SLIT2: variants seen among roughly 807,000 people sequenced by gnomAD.
SLIT2 encodes the protein slit homolog 2 protein.
Under a neutral mutation model 185.7 loss-of-function variants are expected in SLIT2, and 41 were observed. The observed-to-expected ratio is 0.22, with a 90% CI of 0.17 to 0.29. The LOEUF (loss-of-function observed/expected upper bound fraction) is 0.29, where lower values mean the gene tolerates loss of function less well. SLIT2 is among the 10% of genes least tolerant of loss of function. SLIT2 has a pLI of 1.00. For synonymous variants in SLIT2, 693 were observed against 680.2 expected (o/e 1.02, Z -0.29); for missense variants, 1,571 against 1,909.0 (o/e 0.82, Z 3.30).
chr4:20,477,054 G>A (rs1325321280), intron 5 of SLIT2, among the ~76,000 whole-genome samples: 1 of 151,304 alleles, frequency 6.6e-6, no homozygotes, highest in Non-Finnish European at 1.5e-5. Flanking sequence ...GGAGCCCATC[G>A]ACACACTGCA....
chr4:20,569,237 C>T lies in SLIT2; in HGVS notation c.3088+233C>T, dbSNP rs138758667. On this transcript the variant is annotated intron_variant, in intron 29 of 36. Transcript: ENST00000504154. ...GCATCTATTATAAAGCCATGCTATC[C>T]AGTAATAAAAGAAGCTATTTTGCTA... 2.6e-3 allele frequency: 1,223 copies of T among 470,188 alleles called. 13 individuals are homozygous for T. Among genetic ancestry groups the T allele is most frequent in the African/African-American group, 0.022 (1,116 of 50,594 alleles). 29.1% of individuals were successfully genotyped at this position (470,188 alleles called of 1,614,324 possible).
chr4:20,368,721 G>A (rs1459488090), intron 4 of SLIT2, among the ~76,000 whole-genome samples: 1 of 152,106 alleles, frequency 6.6e-6, no homozygotes, highest in African/African-American at 2.4e-5. Flanking sequence ...TTTGACAGGT[G>A]CTCTGAAAGC....
Position 20,254,123 on chromosome 4 carries a change from C to T in SLIT2, c.179+129C>T. 5 of 949,102 alleles carry T rather than the reference C, an allele frequency of 5.3e-6. No individual in the cohort carries two copies. Among genetic ancestry groups the T allele is most frequent in the South Asian group, 1.6e-5 (1 of 63,138 alleles). 58.8% of individuals were successfully genotyped at this position (949,102 alleles called of 1,614,324 possible). ...TCGCTAGCTCTCCCCCATGCACATCCTGGGGTTGAGCTCTCCGGGAGGGCA... is the reference window on the plus strand; with the variant it reads ...TCGCTAGCTCTCCCCCATGCACATCTTGGGGTTGAGCTCTCCGGGAGGGCA... On this transcript the variant is annotated intron_variant, in intron 1 of 36. Coordinates refer to ENST00000504154, the MANE Select transcript of SLIT2 (RefSeq NM_004787.4). The surrounding 1 kb of genome is among the most constrained non-coding windows in gnomAD (Gnocchi z 5.1).
intron 34 of SLIT2, among the ~76,000 whole-genome samples, chr4:20,610,451 A>G (rs1171383777): frequency 6.6e-6 from 1 of 152,248 alleles, no homozygotes; most frequent in Non-Finnish European, 1.5e-5. Flanking sequence ...TGATTTATAC[A>G]TTATATAATT....
At chr4:20,308,378 C>A (rs549777450) in intron 4 of SLIT2, among the ~76,000 whole-genome samples, 1 of 152,270 alleles carries the variant, frequency 6.6e-6, no homozygotes, top group East Asian at 1.9e-4. Flanking sequence ...AATCACATGA[C>A]AACAGAGGTT....
At chr4:20,284,844 A>G (rs1399171299) in intron 4 of SLIT2, among the ~76,000 whole-genome samples, 3 of 152,244 alleles carry the variant, frequency 2.0e-5, no homozygotes, top group African/African-American at 2.4e-5. Flanking sequence ...TTACTACAAA[A>G]TTACTACAAA....
chr4:20,390,191 T>A (rs1005108431), intron 4 of SLIT2, among the ~76,000 whole-genome samples: 2 of 152,080 alleles, frequency 1.3e-5, no homozygotes, highest in Admixed American at 6.6e-5. Context: ...GAATACCTTA[T>A]TCTAAAATGT....
rs1261393936 is a variant in SLIT2, at chr4:20,528,371, C to T, written c.1463-578C>T. ...TTCCGTCAAGCACCATGGAACGTCA[C>T]GCAGCTTTCTACAGCATGACAAGCT... On this transcript the variant is annotated intron_variant, in intron 15 of 36. Transcript: ENST00000504154. This position sits in a 1 kb window ranked among gnomAD's most constrained non-coding sequence, Gnocchi z 4.2. The T allele has an allele frequency of 3.7e-6, 2 of 534,124 alleles. No individual in the cohort carries two copies. Among genetic ancestry groups the T allele is most frequent in the South Asian group, 1.4e-5 (1 of 71,464 alleles). 33.1% of individuals were successfully genotyped at this position (534,124 alleles called of 1,614,324 possible).
intron 9 of SLIT2, among the ~76,000 whole-genome samples, chr4:20,494,168 C>T (rs1435273994): frequency 6.6e-6 from 1 of 152,178 alleles, no homozygotes; most frequent in Non-Finnish European, 1.5e-5. Flanking sequence ...CAGAAGGCCT[C>T]TTCGGAGGCT....
chr4:20,472,287 G>GATATATATCT (rs1560452839), intron 5 of SLIT2, among the ~76,000 whole-genome samples: 582 of 14,868 alleles, frequency 0.039, 90 homozygotes, highest in African/African-American at 0.14. Context: ...TATATATATA[G>GATATATATCT]ATATATAGAT....
rs572122994 is a variant in SLIT2 at position 20,459,032 on chromosome 4, G to A, written c.396-8720G>A. On this transcript the variant is annotated intron_variant, in intron 4 of 36. Coordinates refer to ENST00000504154, the MANE Select transcript of SLIT2 (RefSeq NM_004787.4). ...TTTTTATTAACAGCAAGAAGTGCTA[G>A]GATCAAGACATATTAGAGATTATAT... Among the ~76,000 whole-genome samples, 57 of 152,228 alleles carry A rather than the reference G, an allele frequency of 3.7e-4. 1 individual carries two copies. In the South Asian group the frequency reaches 0.011, roughly 30 times the overall value.
intron 32 of SLIT2, among the ~76,000 whole-genome samples, chr4:20,597,567 T>G (rs537694223): frequency 6.6e-6 from 1 of 152,356 alleles, no homozygotes; most frequent in East Asian, 1.9e-4. Context: ...TTGTTTTATC[T>G]GATAAGCAAA....
In SLIT2 at chr4:20,528,949, G is replaced by A. The variant is rs773044305; in HGVS notation, c.1463G>A (p.Gly488Asp). ...CSAKEQYFIP[G>D]TEDYRSKLSG... ...TTTTTTTGGTTTGAATTCTCAATAG[G>A]TACAGAAGATTATCGATCAAAATTA... is the stretch of plus-strand genomic sequence containing the variant. The change falls in exon 16 of 37, where the codon GGT (glycine) becomes GAT (aspartate). Residue 488 changes from glycine to aspartate, a missense_variant and splice_region_variant. Gly to Asp is a moderately conservative substitution (Grantham distance 94). Transcript: ENST00000504154. This position sits in a 1 kb window ranked among gnomAD's most constrained non-coding sequence, Gnocchi z 4.2. The A allele has an allele frequency of 3.1e-6, 5 of 1,612,720 alleles. No homozygotes were observed. The highest frequency in any genetic ancestry group is 4.2e-6 in the Non-Finnish European group (5 of 1,179,128).
intron 22 of SLIT2, among the ~76,000 whole-genome samples, chr4:20,546,605 GTGTT>G (rs1011189705): frequency 2.0e-5 from 3 of 152,114 alleles, no homozygotes; most frequent in African/African-American, 7.2e-5. Context: ...TATTCATGTA[GTGTT>G]TAAGTAAACT....
chr4:20,476,625 T>C (rs1716139274), intron 5 of SLIT2, among the ~76,000 whole-genome samples: 2 of 152,164 alleles, frequency 1.3e-5, no homozygotes, highest in Admixed American at 6.6e-5. Flanking sequence ...AAAAAACCTA[T>C]TAGTTATAAG....
chr4:20,548,507 A>G lies in SLIT2; in HGVS notation c.2365A>G (p.Ile789Val). ...LTLIDLSNNRISTLSNQSFSN... is the reference protein window; with the variant it reads ...LTLIDLSNNRVSTLSNQSFSN... ...TTTTAGAGACTTAAGTAACAACAGA[A>G]TAAGCACGCTTTCTAATCAGAGCTT... is the stretch of plus-strand genomic sequence containing the variant. Residue 789 changes from isoleucine to valine, a missense_variant, in exon 23 of 37, where the codon ATA becomes GTA. This residue lies in a region of SLIT2 where 1,202 missense variants were observed against 1,416.4 expected (regional missense o/e 0.85). Transcript: ENST00000504154. 6.2e-7 allele frequency: 1 copy of G among 1,601,902 alleles called. No homozygotes were observed. The highest frequency in any genetic ancestry group is 1.1e-5 in the South Asian group (1 of 90,796).
chr4:20,571,406 G>T (rs1315224628), intron 29 of SLIT2, among the ~76,000 whole-genome samples: 1 of 152,176 alleles, frequency 6.6e-6, no homozygotes, highest in Non-Finnish European at 1.5e-5. Flanking sequence ...ATGAGAGAAG[G>T]TATCTAAATG....
At chr4:20,294,185 T>A (rs1235389412) in intron 4 of SLIT2, among the ~76,000 whole-genome samples, 1 of 151,876 alleles carries the variant, frequency 6.6e-6, no homozygotes, top group African/African-American at 2.4e-5. Context: ...CTGTCTCTAC[T>A]AAAATTGCAA....
At chr4:20,255,205 C>G (rs1711679090) in intron 1 of SLIT2, 3 of 365,766 alleles carry the variant, frequency 8.2e-6, no homozygotes, top group South Asian at 4.1e-5. Context: ...GGTTTCGGGC[C>G]GTGGAGAGGA....
Sources: allele counts gnomAD v4.1 joint callset (sites outside exome capture counted in the v4.1 genomes callset), GRCh38; gene constraint gnomAD v4.1.1; regional missense constraint gnomAD v4.1.1; non-coding constraint Gnocchi (gnomAD v3.1); transcripts MANE v1.5; gene names NCBI Gene and HGNC (gene_info 2026-07-23, HGNC 2026-07-21).